The following NELL1 variants were observed in gnomAD, a reference collection of about 807,000 sequenced individuals.
NELL1 encodes neural EGFL like 1, also known as protein kinase C-binding protein NELL1.
NELL1 carries 76 observed loss-of-function variants against 107.4 expected under a neutral mutation model. The ratio of observed to expected loss-of-function variants is 0.71; its 90% CI spans 0.59 to 0.86. The LOEUF (loss-of-function observed/expected upper bound fraction) is 0.86, where lower values mean the gene tolerates loss of function less well. Among genes scored for constraint, NELL1 ranks in the 40% least tolerant of loss-of-function variants. The pLI is 0.00. For missense variants in NELL1, 1,024 were observed against 1,005.5 expected (o/e 1.02, Z -0.25); for synonymous variants, 353 against 341.2 (o/e 1.03, Z -0.38).
intron 15 of NELL1, among the ~76,000 whole-genome samples, chr11:21,505,314 A>T (rs879703005): frequency 4.6e-5 from 7 of 152,158 alleles, no homozygotes; most frequent in Non-Finnish European, 7.4e-5. Flanking sequence ...TCAAAACTAC[A>T]TGGAATAGAG....
intron 1 of NELL1, among the ~76,000 whole-genome samples, chr11:20,672,113 C>T (rs1853928438): frequency 1.3e-5 from 2 of 152,210 alleles, no homozygotes; most frequent in South Asian, 4.1e-4. Flanking sequence ...GGGGGAATTA[C>T]CTCTCAATTT....
intron 5 of NELL1, among the ~76,000 whole-genome samples, chr11:20,886,618 C>T (rs1025465991): frequency 3.9e-5 from 6 of 151,960 alleles, no homozygotes; most frequent in African/African-American, 4.8e-5. Flanking sequence ...GGTGTAATTC[C>T]GCATGTTCTC....
At chr11:21,020,957 GA>G (rs1273748847) in intron 12 of NELL1, among the ~76,000 whole-genome samples, 1 of 148,980 alleles carries the variant, frequency 6.7e-6, no homozygotes, top group African/African-American at 2.5e-5. Flanking sequence ...CGATAATCAG[GA>G]AAAAATCCTT....
At chr11:20,990,128 A>T (rs1017881750) in intron 12 of NELL1, among the ~76,000 whole-genome samples, 1 of 152,050 alleles carries the variant, frequency 6.6e-6, no homozygotes, top group Non-Finnish European at 1.5e-5. Flanking sequence ...GGGGGAGTAC[A>T]GTTTGGTTTT....
chr11:20,812,744 C>T lies in NELL1; in HGVS notation c.335+28914C>T, dbSNP rs148671041. Among the ~76,000 whole-genome samples, 1,254 of 151,986 alleles carry T rather than the reference C, an allele frequency of 8.3e-3. 16 individuals carry two copies. Among genetic ancestry groups the T allele is most frequent in the African/African-American group, 0.029 (1,189 of 41,444 alleles). ...AGCAGAGGGGCCGGGCGCGGTGGCT[C>T]ACGCCTGTAATCCCAGCACTTTGGG... On this transcript the variant is annotated intron_variant, in intron 3 of 19. Transcript: ENST00000357134.
intron 12 of NELL1, among the ~76,000 whole-genome samples, chr11:21,045,315 T>G (rs1298739793): frequency 6.6e-6 from 1 of 152,136 alleles, no homozygotes; most frequent in Non-Finnish European, 1.5e-5. Flanking sequence ...GTTGTGAATG[T>G]CTGAAGTGGT....
chr11:20,870,765 C>T (rs1849181030), intron 4 of NELL1, among the ~76,000 whole-genome samples: 1 of 152,198 alleles, frequency 6.6e-6, no homozygotes, highest in South Asian at 2.1e-4. Flanking sequence ...TCCTTCAGAA[C>T]AGGAAATTTT....
chr11:20,678,172 T>C, intron 2 of NELL1, 112 bp downstream of exon 2: 1 of 1,256,250 alleles, frequency 8.0e-7, no homozygotes. Context: ...ATTTCTCTTG[T>C]GTTGCTGTCT....
At chr11:21,364,135 G>T (rs1851153672) in intron 14 of NELL1, among the ~76,000 whole-genome samples, 1 of 152,070 alleles carries the variant, frequency 6.6e-6, no homozygotes, top group Admixed American at 6.6e-5. Context: ...TTCAGGCCAG[G>T]CGTGGTGGCT....
chr11:20,914,697 A>G (rs755835438), intron 5 of NELL1, among the ~76,000 whole-genome samples: 7 of 152,058 alleles, frequency 4.6e-5, no homozygotes, highest in African/African-American at 7.2e-5. Flanking sequence ...TTGGGGGCTT[A>G]GAACTTTATT....
intron 10 of NELL1, among the ~76,000 whole-genome samples, chr11:20,944,384 G>T (rs1398393256): frequency 6.6e-6 from 1 of 151,936 alleles, no homozygotes; most frequent in East Asian, 1.9e-4. Flanking sequence ...TATTAATTTT[G>T]CCCAATTATT....
At chr11:21,392,066 A>G (rs1851891328) in intron 15 of NELL1, among the ~76,000 whole-genome samples, 1 of 151,780 alleles carries the variant, frequency 6.6e-6, no homozygotes. Flanking sequence ...AGAATAAGAC[A>G]AAAGATTGTA....
chr11:20,928,510 T>G (rs1325792238), intron 9 of NELL1, 31 bp downstream of exon 9: 6 of 1,534,102 alleles, frequency 3.9e-6, no homozygotes, highest in African/African-American at 2.7e-5. Context: ...AGACTGGCTG[T>G]CTGTGTTTTG....
At chr11:21,015,007 T>G (rs1298911436) in intron 12 of NELL1, among the ~76,000 whole-genome samples, 4 of 152,134 alleles carry the variant, frequency 2.6e-5, no homozygotes, top group African/African-American at 4.8e-5. Context: ...CTGAACACAC[T>G]TGTTCACTGA....
chr11:20,919,283 G>C lies in NELL1; in HGVS notation c.708G>C (p.Leu236=), dbSNP rs3740876. The change falls in exon 7 of 20, where the codon CTG becomes CTC. Residue 236 remains leucine, a synonymous_variant. Coordinates refer to ENST00000357134, the MANE Select transcript of NELL1 (RefSeq NM_006157.5). ...CAACCTGCAGTGATTTCTTAAGCCT[G>C]GTGCAAGGAATAATGGATTTACAAG... is the stretch of plus-strand genomic sequence containing the variant. ...TCPTCSDFLS[L]VQGIMDLQEL... 734 of 1,605,916 alleles carry C rather than the reference G, an allele frequency of 4.6e-4. 2 individuals are homozygous for C. In the East Asian group the frequency reaches 0.014, roughly 30 times the overall value.
At chr11:21,351,814 G>GT (rs551942224) in intron 14 of NELL1, among the ~76,000 whole-genome samples, 5 of 152,196 alleles carry the variant, frequency 3.3e-5, no homozygotes, top group Admixed American at 3.3e-4. Context: ...TTCTTAACAC[G>GT]TTAGTCAGAG....
chr11:21,514,594 T>C (rs574494367), intron 15 of NELL1, among the ~76,000 whole-genome samples: 1 of 152,318 alleles, frequency 6.6e-6, no homozygotes, highest in East Asian at 1.9e-4. Context: ...TTTGTTTTTT[T>C]TAGAGATGCC....
At chr11:20,992,775 T>C (rs7927339) in intron 12 of NELL1, among the ~76,000 whole-genome samples, 38,156 of 147,168 alleles carry the variant, frequency 0.26, 5,131 homozygotes, top group Middle Eastern at 0.44. Flanking sequence ...AGTGCAATGG[T>C]GCGATCTTGG....
chr11:21,022,071 T>C (rs1432513909), intron 12 of NELL1, among the ~76,000 whole-genome samples: 5 of 152,078 alleles, frequency 3.3e-5, no homozygotes, highest in Non-Finnish European at 7.4e-5. Flanking sequence ...TCTCCACGTA[T>C]TGCCAAATAT....
Sources: allele counts gnomAD v4.1 joint callset (sites outside exome capture counted in the v4.1 genomes callset), GRCh38; gene constraint gnomAD v4.1.1; transcripts MANE v1.5; gene names NCBI Gene and HGNC (gene_info 2026-07-23, HGNC 2026-07-21).